Variants in SETBP1 observed in about 807,000 individuals in gnomAD.
The protein encoded by SETBP1 is SET binding protein 1.
In SETBP1, 9 loss-of-function variants were observed where a neutral mutation model predicts 101.0. That is an observed-to-expected ratio of 0.09 (90% CI 0.05 to 0.16). The LOEUF (loss-of-function observed/expected upper bound fraction) is 0.16. SETBP1 is among the 10% of genes least tolerant of loss of function. SETBP1 has a pLI of 1.00. For synonymous variants in SETBP1, 818 were observed against 788.5 expected, an observed-to-expected ratio of 1.04 and a Z score of -0.63; for missense variants, 1,858 against 2,033.8, an observed-to-expected ratio of 0.91 and a Z score of 1.66.
intron 2 of SETBP1, among the ~76,000 whole-genome samples, chr18:44,747,177 G>A (rs187470998): frequency 1.8e-4 from 28 of 152,314 alleles, no homozygotes; most frequent in African/African-American, 5.8e-4. Flanking sequence ...GGTCTCCAAG[G>A]TCCTGCTTCT....
intron 5 of SETBP1, among the ~76,000 whole-genome samples, chr18:45,048,968 G>A (rs1208495912): frequency 5.1e-5 from 4 of 78,854 alleles, no homozygotes; most frequent in Non-Finnish European, 9.1e-5. Flanking sequence ...GACAGAGCGA[G>A]ACTCCGTCTC....
chr18:44,733,569 C>CGCA lies in SETBP1; in HGVS notation c.486+31740_486+31742dup. Among the ~76,000 whole-genome samples the CGCA allele has an allele frequency of 2.0e-5, 3 of 152,254 alleles. No homozygotes were observed. The South Asian group carries it at 6.2e-4, about 32-fold the overall frequency. Reference sequence around the variant, plus strand: ...ACATGACTCATGAGAAGAGATGAGTCGCAGCTCCAGTATCCCTGTGGGTTT... The same window carrying CGCA: ...ACATGACTCATGAGAAGAGATGAGTCGCAGCAGCTCCAGTATCCCTGTGGGTTT... On this transcript the variant is annotated intron_variant, in intron 2 of 5. Coordinates refer to ENST00000649279, the MANE Select transcript of SETBP1 (RefSeq NM_015559.3).
intron 4 of SETBP1, among the ~76,000 whole-genome samples, chr18:44,975,983 A>G (rs1216159881): frequency 1.3e-5 from 2 of 151,958 alleles, no homozygotes; most frequent in Non-Finnish European, 1.5e-5. Context: ...TGTCTACCTT[A>G]AGGAATTATT....
chr18:45,062,759 C>G (rs2051203599), intron 5 of SETBP1, among the ~76,000 whole-genome samples: 1 of 152,166 alleles, frequency 6.6e-6, no homozygotes, highest in Non-Finnish European at 1.5e-5. Flanking sequence ...AGTCCCACGG[C>G]TCTAGGCCAG....
rs545445830 is a variant in SETBP1 at position 44,926,758 on chromosome 18, AAACAAAC to A, written c.541-23117_541-23111del. ...GGAACTGATTTAAAAACAAACAAACAAACAAACAACAACAACAACAACAACAACAAAA... is the reference window on the plus strand; with the variant it reads ...GGAACTGATTTAAAAACAAACAAACAAACAACAACAACAACAACAACAAAA... On this transcript the variant is annotated intron_variant, in intron 3 of 5. Coordinates refer to ENST00000649279, the MANE Select transcript of SETBP1 (RefSeq NM_015559.3). 2.1e-3 allele frequency among the ~76,000 whole-genome samples: 317 copies of A among 149,986 alleles called. 1 individual carries two copies. Among genetic ancestry groups the A allele is most frequent in the African/African-American group, 7.3e-3 (296 of 40,712 alleles).
chr18:44,687,615 G>A (rs1229597913), intron 1 of SETBP1, among the ~76,000 whole-genome samples: 1 of 152,178 alleles, frequency 6.6e-6, no homozygotes, highest in African/African-American at 2.4e-5. Flanking sequence ...CATCTGTTTT[G>A]AATTGGTTCT....
chr18:44,820,204 G>C (rs1269075902), intron 2 of SETBP1, among the ~76,000 whole-genome samples: 1 of 152,244 alleles, frequency 6.6e-6, no homozygotes, highest in Non-Finnish European at 1.5e-5. Flanking sequence ...CACATGGCTG[G>C]GATTTGGGTT....
At chr18:44,907,699 G>T (rs566185819) in intron 3 of SETBP1, among the ~76,000 whole-genome samples, 2 of 152,232 alleles carry the variant, frequency 1.3e-5, no homozygotes, top group Admixed American at 6.5e-5. Flanking sequence ...TTTCAACTGG[G>T]TTGTCTTTTT....
chr18:44,962,306 A>G (rs550029667), intron 4 of SETBP1, among the ~76,000 whole-genome samples: 2 of 152,338 alleles, frequency 1.3e-5, no homozygotes, highest in South Asian at 2.1e-4. Context: ...TGAGGGGTAC[A>G]GGAAGGCACT....
chr18:44,958,095 A>C (rs2071531371), intron 4 of SETBP1, among the ~76,000 whole-genome samples: 1 of 152,238 alleles, frequency 6.6e-6, no homozygotes, highest in Non-Finnish European at 1.5e-5. Flanking sequence ...GACTATGACC[A>C]TAAAGGTTCT....
At chr18:45,013,238 C>A (rs2072875467) in intron 4 of SETBP1, among the ~76,000 whole-genome samples, 1 of 152,140 alleles carries the variant, frequency 6.6e-6, no homozygotes, top group Non-Finnish European at 1.5e-5. Flanking sequence ...CTCCTTGGCC[C>A]CACCCTGCCT....
At chr18:44,957,669 T>C (rs2071518928) in intron 4 of SETBP1, among the ~76,000 whole-genome samples, 1 of 152,142 alleles carries the variant, frequency 6.6e-6, no homozygotes, top group Admixed American at 6.6e-5. Flanking sequence ...GTCTCTGCTG[T>C]CACTCACTGG....
chr18:45,033,777 T>C (rs934628295), intron 4 of SETBP1, among the ~76,000 whole-genome samples: 4 of 152,232 alleles, frequency 2.6e-5, no homozygotes, highest in Non-Finnish European at 5.9e-5. Context: ...CTCCATCGCC[T>C]CTTTTATTTT....
chr18:45,003,552 C>T (rs1457699454), intron 4 of SETBP1, among the ~76,000 whole-genome samples: 1 of 152,174 alleles, frequency 6.6e-6, no homozygotes, highest in Non-Finnish European at 1.5e-5. Context: ...GGACAGGAGG[C>T]ACTTCCCACT....
At chr18:44,942,836 G>A (rs1326445499) in intron 3 of SETBP1, among the ~76,000 whole-genome samples, 3 of 152,120 alleles carry the variant, frequency 2.0e-5, no homozygotes, top group Admixed American at 2.0e-4. Context: ...TGTATGAGCT[G>A]TTACCACCTT....
At chr18:44,861,478 C>T (rs11661654) in intron 2 of SETBP1, among the ~76,000 whole-genome samples, 53,440 of 151,370 alleles carry the variant, frequency 0.35, 9,881 homozygotes, top group Non-Finnish European at 0.41. Context: ...ATGATCTGCC[C>T]GCCTCGGCCT....
chr18:44,942,088 A>T (rs1568229082), intron 3 of SETBP1, among the ~76,000 whole-genome samples: 1 of 152,142 alleles, frequency 6.6e-6, no homozygotes, highest in Non-Finnish European at 1.5e-5. Flanking sequence ...CAGTTAATTT[A>T]TTGGCAGATC....
intron 4 of SETBP1, among the ~76,000 whole-genome samples, chr18:45,027,850 G>A (rs2073200987): frequency 1.3e-5 from 2 of 152,148 alleles, no homozygotes; most frequent in Admixed American, 1.3e-4. Flanking sequence ...AAATCAAGGA[G>A]AGCTCCATTT....
chr18:44,992,997 C>G (rs1344655352), intron 4 of SETBP1, among the ~76,000 whole-genome samples: 5 of 151,942 alleles, frequency 3.3e-5, no homozygotes, highest in Non-Finnish European at 7.4e-5. Flanking sequence ...CAATTTTGAT[C>G]TAACATTAGA....
Sources: gnomAD v4.1 joint callset for allele counts (sites outside exome capture counted in the v4.1 genomes callset) on GRCh38, gnomAD v4.1.1 for gene constraint, MANE v1.5 for transcripts, NCBI Gene and HGNC (gene_info 2026-07-23, HGNC 2026-07-21) for gene names.